LIPH: variants seen among roughly 807,000 people sequenced by gnomAD.
LIPH encodes lipase H, also known as lipase member H.
Under a neutral mutation model 47.6 loss-of-function variants are expected in LIPH, and 32 were observed. That is an observed-to-expected ratio of 0.67 (90% confidence interval 0.51 to 0.90). The LOEUF is 0.90. LIPH is among the 40% of genes least tolerant of loss of function. The probability of loss-of-function intolerance (pLI) is 0.00; values close to 1 mark genes in which losing one functional copy is unlikely to be tolerated. For missense variants in LIPH, 497 were observed against 541.4 expected, an observed-to-expected ratio of 0.92 and a Z score of 0.81; for synonymous variants, 190 against 195.6, an observed-to-expected ratio of 0.97 and a Z score of 0.24.
intron 2 of LIPH, among the ~76,000 whole-genome samples, chr3:185,534,146 A>C (rs1345510428): frequency 6.6e-6 from 1 of 152,180 alleles, no homozygotes; most frequent in Non-Finnish European, 1.5e-5. Flanking sequence ...TCACGAGGTC[A>C]GGAGATCAAG....
At chr3:185,530,169 C>G (rs1720291429) in intron 3 of LIPH, among the ~76,000 whole-genome samples, 1 of 151,972 alleles carries the variant, frequency 6.6e-6, no homozygotes, top group Admixed American at 6.6e-5. Flanking sequence ...CAAAGTAAGA[C>G]CCTGTCTCAA....
chr3:185,540,725 C>CA (rs550173961), intron 1 of LIPH, among the ~76,000 whole-genome samples: 1,073 of 86,034 alleles, frequency 0.012, 15 homozygotes, highest in South Asian at 0.048. Flanking sequence ...CTCAAAGAAC[C>CA]AAAAAAAAAA....
At chr3:185,526,605 TAAAA>T (rs58054145) in intron 4 of LIPH, among the ~76,000 whole-genome samples, 11 of 57,498 alleles carry the variant, frequency 1.9e-4, no homozygotes, top group Non-Finnish European at 3.5e-4. Flanking sequence ...TAAAATAAAA[TAAAA>T]AATAAAATAA....
chr3:185,534,646 C>T, intron 2 of LIPH, 119 bp downstream of exon 2: 2 of 1,011,838 alleles, frequency 2.0e-6, no homozygotes, highest in Non-Finnish European at 3.0e-6. Flanking sequence ...GGCTTATTCA[C>T]ATTTGCAAAA....
intron 2 of LIPH, among the ~76,000 whole-genome samples, chr3:185,534,187 C>G (rs1357647026): frequency 2.6e-5 from 4 of 152,290 alleles, no homozygotes; most frequent in African/African-American, 9.6e-5. Context: ...GAAACCCCGT[C>G]TCTACTAAAA....
rs148401599 is a variant in LIPH, at chr3:185,512,998, G to A, written c.1095-1301C>T. Among the ~76,000 whole-genome samples the A allele has an allele frequency of 7.7e-4, 118 of 152,266 alleles. 1 individual carries two copies. In the East Asian group the frequency reaches 0.021, roughly 27 times the overall value. On this transcript the variant is annotated intron_variant, in intron 8 of 9. Coordinates refer to ENST00000296252, the MANE Select transcript of LIPH (RefSeq NM_139248.3). ...TGATTCCATGGCTGGGGCAGGAAACGTGCAAAGTGATCCTGGAAACCCGTG... is the reference window on the plus strand; with the variant it reads ...TGATTCCATGGCTGGGGCAGGAAACATGCAAAGTGATCCTGGAAACCCGTG...
chr3:185,538,323 G>A (rs1439143416), intron 1 of LIPH, among the ~76,000 whole-genome samples: 3 of 152,074 alleles, frequency 2.0e-5, no homozygotes, highest in Non-Finnish European at 4.4e-5. Context: ...GCATTTTAGA[G>A]GAAGAATCAG....
chr3:185,531,174 C>A (rs1441653024), intron 3 of LIPH, among the ~76,000 whole-genome samples: 1 of 152,062 alleles, frequency 6.6e-6, no homozygotes, highest in East Asian at 1.9e-4. Context: ...AGCTGTGTGC[C>A]CTTAGGCAGG....
chr3:185,514,580 G>C (rs1207218302), intron 7 of LIPH, 59 bp from the exon 8 acceptor site: 2 of 788,044 alleles, frequency 2.5e-6, no homozygotes, highest in African/African-American at 3.4e-5. Context: ...TCCCCTGAAG[G>C]GCTGGTTCCT....
chr3:185,518,644 GA>G (rs1366532636), intron 6 of LIPH, among the ~76,000 whole-genome samples: 1 of 151,704 alleles, frequency 6.6e-6, no homozygotes, highest in Admixed American at 6.6e-5. Flanking sequence ...AAATTGGCTA[GA>G]AAAAGCTGAC....
At chr3:185,525,044 G>A (rs1053708678) in intron 4 of LIPH, among the ~76,000 whole-genome samples, 5 of 151,794 alleles carry the variant, frequency 3.3e-5, no homozygotes, top group South Asian at 2.1e-4. Flanking sequence ...GCGAAACCCC[G>A]TCTCTACAAA....
At position 185,511,662 on chromosome 3, in the gene LIPH, C is replaced by G. The variant is rs772400699; in HGVS notation, c.1130G>C (p.Ser377Thr). The change falls in exon 9 of 10, where the codon AGT (serine) becomes ACT (threonine). Residue 377 changes from serine to threonine, a missense_variant. Transcript: ENST00000296252. ...ATCTTGATTAAATCTTGCAAGTAGACTCACTTGGTGATATTTCTGAAATGT... is the reference window on the plus strand; with the variant it reads ...ATCTTGATTAAATCTTGCAAGTAGAGTCACTTGGTGATATTTCTGAAATGT... ...PTTFQKYHQV[S>T]LLARFNQDLD... The G allele has an allele frequency of 3.1e-6, 5 of 1,613,286 alleles. No individual in the cohort carries two copies. The African/African-American group carries it at 6.7e-5, about 22-fold the overall frequency.
chr3:185,512,488 T>A (rs1366000636), intron 8 of LIPH, among the ~76,000 whole-genome samples: 1 of 43,086 alleles, frequency 2.3e-5, no homozygotes, highest in Non-Finnish European at 5.2e-5. Context: ...ACATTAATCC[T>A]TTTTTTTTTT....
intron 8 of LIPH, 122 bp from the exon 9 acceptor site, chr3:185,511,819 C>CTTTT (rs78253030): frequency 4.2e-5 from 23 of 551,618 alleles, no homozygotes; most frequent in African/African-American, 1.1e-4. Flanking sequence ...CACCAGCTGA[C>CTTTT]TTTTTTTTTT....
intron 1 of LIPH, among the ~76,000 whole-genome samples, chr3:185,551,481 T>C (rs879359724): frequency 3.3e-5 from 5 of 152,226 alleles, no homozygotes; most frequent in African/African-American, 4.8e-5. Flanking sequence ...CAGAATCAGT[T>C]GAAAGGCTAC....
At chr3:185,531,082 C>T (rs1171802829) in intron 3 of LIPH, among the ~76,000 whole-genome samples, 1 of 152,092 alleles carries the variant, frequency 6.6e-6, no homozygotes, top group Non-Finnish European at 1.5e-5. Flanking sequence ...TGATTAGCTT[C>T]CAGTGTCAGA....
intron 1 of LIPH, among the ~76,000 whole-genome samples, chr3:185,540,402 T>C (rs891842228): frequency 6.6e-6 from 1 of 152,140 alleles, no homozygotes; most frequent in African/African-American, 2.4e-5. Context: ...ATTCTTCTGG[T>C]AAACACCTTG....
rs537593992 is a variant in LIPH at position 185,508,277 on chromosome 3, C to T, written c.*513G>A. 8 of 166,040 alleles carry T rather than the reference C, an allele frequency of 4.8e-5. No individual in the cohort carries two copies. Among genetic ancestry groups the T allele is most frequent in the African/African-American group, 1.9e-4 (8 of 41,902 alleles). The allele number at this position is 166,040 out of a possible 1,614,324, so 10.3% of individuals were successfully genotyped here. A position where few individuals can be genotyped will look rare whatever the true frequency, so the allele number is the denominator to read the frequency against. On this transcript the variant is annotated 3_prime_UTR_variant, in exon 10 of 10. Coordinates refer to ENST00000296252, the MANE Select transcript of LIPH (RefSeq NM_139248.3). ...TATCAAACATCTCATAGATGTGGCA[C>T]CTATGGGATTTCAAAAAACCCTTCA... is the stretch of plus-strand genomic sequence containing the variant.
intron 3 of LIPH, among the ~76,000 whole-genome samples, chr3:185,532,496 CAA>C (rs1388548872): frequency 7.9e-6 from 1 of 126,320 alleles, no homozygotes; most frequent in African/African-American, 2.9e-5. Flanking sequence ...GAGACCCTGT[CAA>C]AAAAAAAAAG....
Sources: allele counts gnomAD v4.1 joint callset (sites outside exome capture counted in the v4.1 genomes callset), GRCh38; gene constraint gnomAD v4.1.1; transcripts MANE v1.5; gene names NCBI Gene and HGNC (gene_info 2026-07-23, HGNC 2026-07-21).